HIBCH: variants seen among roughly 807,000 people sequenced by gnomAD.
HIBCH encodes the protein 3-hydroxyisobutyryl-CoA hydrolase, also known as 3-hydroxyisobutyryl-CoA hydrolase, mitochondrial.
Under a neutral mutation model 58.2 loss-of-function variants are expected in HIBCH, and 50 were observed. That is an observed-to-expected ratio of 0.86 (90% CI 0.68 to 1.09). The LOEUF is 1.09. Ranked by LOEUF, HIBCH falls within the 50% of genes least tolerant of loss-of-function variation. The pLI is 0.00. For synonymous variants in HIBCH, 151 were observed against 146.9 expected, an observed-to-expected ratio of 1.03 and a Z score of -0.20; for missense variants, 450 against 449.7, an observed-to-expected ratio of 1.00 and a Z score of -0.01.
chr2:190,259,841 T>C (rs1284261532), intron 7 of HIBCH, among the ~76,000 whole-genome samples: 1 of 152,222 alleles, frequency 6.6e-6, no homozygotes, highest in Admixed American at 6.5e-5. Context: ...TTTATTTCTT[T>C]CTCTTGCCTA....
chr2:190,201,812 T>C (rs1490985993), downstream of HIBCH: 2 of 167,098 alleles, frequency 1.2e-5, no homozygotes, highest in African/African-American at 2.4e-5. Context: ...TCTGAAGTTA[T>C]AAGGTTAAGG....
chr2:190,198,615 G>C (rs1432265954), intron 1 of HIBCH, among the ~76,000 whole-genome samples: 1 of 106,966 alleles, frequency 9.3e-6, no homozygotes, highest in Non-Finnish European at 1.7e-5. Context: ...TGAGTTAACA[G>C]AGTAAGACCC....
chr2:190,261,533 A>T (rs1376875181), intron 6 of HIBCH, among the ~76,000 whole-genome samples: 1 of 152,082 alleles, frequency 6.6e-6, no homozygotes, highest in Non-Finnish European at 1.5e-5. Context: ...TTGGTAAGTA[A>T]CCTACGATTT....
chr2:190,260,647 T>C (rs1687062025), intron 7 of HIBCH: 1 of 154,322 alleles, frequency 6.5e-6, no homozygotes, highest in African/African-American at 2.4e-5. Context: ...GACAACATGG[T>C]GTTGGCACCA....
chr2:190,239,647 G>GTTTTTTTTTTTTTTT (rs60949644), intron 11 of HIBCH, among the ~76,000 whole-genome samples: 3 of 127,550 alleles, frequency 2.4e-5, no homozygotes, highest in African/African-American at 8.9e-5. Context: ...GTGGTTTGTA[G>GTTTTTTTTTTTTTTT]TTTTTTTTTT....
rs1259011253 is a variant in HIBCH, at chr2:190,279,606, T to C, written c.438+7980A>G. 6.6e-6 allele frequency among the ~76,000 whole-genome samples: 1 copy of C among 152,186 alleles called. No individual in the cohort carries two copies. Among genetic ancestry groups the C allele is most frequent in the Non-Finnish European group, 1.5e-5 (1 of 68,032 alleles). ...GTCTAATTAGGAATAAATAGTAAAT[T>C]CTCTTAGAAGCAAAATTTATTCAAA... is the stretch of plus-strand genomic sequence containing the variant. On this transcript the variant is annotated intron_variant, in intron 6 of 13. Transcript: ENST00000359678. The surrounding 1 kb of genome is among the most constrained non-coding windows in gnomAD (Gnocchi z 4.2).
intron 13 of HIBCH, among the ~76,000 whole-genome samples, chr2:190,208,050 A>C (rs1341444611): frequency 6.6e-6 from 1 of 152,254 alleles, no homozygotes; most frequent in African/African-American, 2.4e-5. Context: ...TTATGCATAA[A>C]AAGGAATTGT....
chr2:190,264,766 T>C (rs902034881), intron 6 of HIBCH, among the ~76,000 whole-genome samples: 1 of 152,138 alleles, frequency 6.6e-6, no homozygotes, highest in African/African-American at 2.4e-5. Context: ...TATGTTTTGG[T>C]GCAAAAGTGC....
intron 7 of HIBCH, 36 bp from the exon 8 acceptor site, chr2:190,252,343 T>C: frequency 6.3e-7 from 1 of 1,578,872 alleles, no homozygotes. Flanking sequence ...ATAATGGTGA[T>C]TCAAATGAAA....
At chr2:190,252,368 C>CT in intron 7 of HIBCH, 61 bp from the exon 8 acceptor site, 1 of 1,427,938 alleles carries the variant, frequency 7.0e-7, no homozygotes, top group Non-Finnish European at 9.8e-7. Context: ...TAAATATAAC[C>CT]TTTTTGCCGT....
At chr2:190,290,860 A>G (rs1436876815) in intron 4 of HIBCH, among the ~76,000 whole-genome samples, 1 of 152,112 alleles carries the variant, frequency 6.6e-6, no homozygotes, top group Non-Finnish European at 1.5e-5. Flanking sequence ...AAAAATGTTT[A>G]ATTAGCTGGC....
At chr2:190,312,241 G>T (rs1185295096) in intron 1 of HIBCH, among the ~76,000 whole-genome samples, 1 of 152,076 alleles carries the variant, frequency 6.6e-6, no homozygotes, top group South Asian at 2.1e-4. Context: ...TTATGCTTTG[G>T]GCTTTTTAAA....
rs148344490 is a variant in HIBCH, at chr2:190,228,090, A to G, written c.892-15015T>C. On this transcript the variant is annotated intron_variant, in intron 11 of 13. Coordinates refer to ENST00000359678, the MANE Select transcript of HIBCH (RefSeq NM_014362.4). Reference sequence around the variant, plus strand: ...GAGTATAAATCATGCTGCCATAAAGACACATGCACACATATGTTTATTGTG... The same window carrying G: ...GAGTATAAATCATGCTGCCATAAAGGCACATGCACACATATGTTTATTGTG... Among the ~76,000 whole-genome samples, 1,014 of 152,300 alleles carry G rather than the reference A, an allele frequency of 6.7e-3. 12 individuals carry two copies. Among genetic ancestry groups the G allele is most frequent in the African/African-American group, 0.022 (920 of 41,548 alleles).
intron 1 of HIBCH, among the ~76,000 whole-genome samples, chr2:190,195,199 G>A (rs1302621717): frequency 6.6e-6 from 1 of 152,074 alleles, no homozygotes; most frequent in Non-Finnish European, 1.5e-5. Context: ...CCATTGTTTA[G>A]ATGTGCCACA....
intron 1 of HIBCH, among the ~76,000 whole-genome samples, chr2:190,318,071 C>T (rs151210256): frequency 0.034 from 5,120 of 151,912 alleles, 130 homozygotes; most frequent in Middle Eastern, 0.085. Flanking sequence ...GATGATATGC[C>T]CGCCTCGGCC....
chr2:190,302,034 A>C (rs907183110), intron 2 of HIBCH, among the ~76,000 whole-genome samples: 1 of 152,232 alleles, frequency 6.6e-6, no homozygotes, highest in Non-Finnish European at 1.5e-5. Context: ...AAGCAAAAAA[A>C]TTACCTAGGA....
Position 190,252,235 on chromosome 2 carries a change from A to C in HIBCH, c.590T>G (p.Leu197Ter). ...TCTTCCTTTTAGTCTGAATCCTGTT[A>C]ATGCAAGGAAGTAACCAAGTTTTCC... ...LQGKLGYFLA[L>*]TGFRLKGRDV... Residue 197 changes from leucine to a stop codon, truncating the protein, a stop_gained, in exon 8 of 14, where the codon TTA (leucine) becomes TGA (stop). Transcript: ENST00000359678. LOFTEE classifies it high-confidence loss of function. The C allele has an allele frequency of 1.9e-6, 3 of 1,613,666 alleles. No individual in the cohort carries two copies. Among genetic ancestry groups the C allele is most frequent in the Non-Finnish European group, 2.5e-6 (3 of 1,179,582 alleles).
At chr2:190,244,144 T>C (rs59000197) in intron 11 of HIBCH, among the ~76,000 whole-genome samples, 7,664 of 142,686 alleles carry the variant, frequency 0.054, 329 homozygotes, top group East Asian at 0.15. Context: ...TATATATATA[T>C]ATACACACAC....
rs116276171 is a variant in HIBCH at position 190,310,587 on chromosome 2, T to C, written c.78+167A>G. Among the ~76,000 whole-genome samples the C allele has an allele frequency of 6.8e-3, 1,029 of 152,362 alleles. 13 individuals are homozygous for C. Among genetic ancestry groups the C allele is most frequent in the African/African-American group, 0.022 (935 of 41,580 alleles). On this transcript the variant is annotated intron_variant, in intron 2 of 13. Coordinates refer to ENST00000359678, the MANE Select transcript of HIBCH (RefSeq NM_014362.4). The stretch of plus-strand genomic sequence containing the variant: ...AACCATGGTTTTAACCATAATCTTA[T>C]GCCACCTCCTACAAGGTGCGTGTGC...
Sources: allele counts gnomAD v4.1 joint callset (sites outside exome capture counted in the v4.1 genomes callset), GRCh38; gene constraint gnomAD v4.1.1; non-coding constraint Gnocchi (gnomAD v3.1); transcripts MANE v1.5; gene names NCBI Gene and HGNC (gene_info 2026-07-23, HGNC 2026-07-21).